ATP1A1: variants seen among roughly 807,000 people sequenced by gnomAD.
The protein encoded by ATP1A1 is sodium/potassium-transporting ATPase subunit alpha-1.
ATP1A1 carries 14 observed loss-of-function variants against 114.8 expected under a neutral mutation model. The ratio of observed to expected loss-of-function variants is 0.12; its 90% confidence interval spans 0.08 to 0.19. The LOEUF is 0.19. ATP1A1 is among the 10% of genes least tolerant of loss of function. ATP1A1 has a pLI of 1.00. For missense variants in ATP1A1, 524 were observed against 1,290.7 expected, an observed-to-expected ratio of 0.41 and a Z score of 9.10; for synonymous variants, 471 against 466.3, an observed-to-expected ratio of 1.01 and a Z score of -0.13.
chr1:116,398,154 GTATAA>G lies in ATP1A1; in HGVS notation c.2124+117_2124+121del, dbSNP rs1466790251. The G allele has an allele frequency of 1.4e-6, 2 of 1,383,300 alleles. No homozygotes were observed. The highest frequency in any genetic ancestry group is 2.0e-6 in the Non-Finnish European group (2 of 1,022,104). The allele number at this position is 1,383,300 out of a possible 1,614,324, so 85.7% of individuals were successfully genotyped here. On this transcript the variant is annotated intron_variant, in intron 15 of 22. Coordinates refer to ENST00000295598, the MANE Select transcript of ATP1A1 (RefSeq NM_000701.8). This position sits in a 1 kb window ranked among gnomAD's most constrained non-coding sequence, Gnocchi z 6.1. ...TGCATACCTCGCTGTATTAGACTCA[GTATAA>G]ATAGGCCAGTAGGAAGCTCATAGGC...
intron 9 of ATP1A1, 132 bp from the exon 10 acceptor site, chr1:116,390,650 G>A: frequency 1.1e-6 from 1 of 892,216 alleles, no homozygotes; most frequent in East Asian, 2.5e-5. Flanking sequence ...TGCCTAAAAT[G>A]TGATTGGTTT....
chr1:116,401,353 T>C lies in ATP1A1; in HGVS notation c.2849+93T>C, dbSNP rs1389370093. 6.3e-6 allele frequency: 10 copies of C among 1,578,846 alleles called. No homozygotes were observed. The highest frequency in any genetic ancestry group is 1.1e-5 in the South Asian group (1 of 87,590). The stretch of plus-strand genomic sequence containing the variant: ...CCAAAAACTAAACATATGACACATA[T>C]AGCCAGGTTTCTGGAATCTCTAGTT... On this transcript the variant is annotated intron_variant, in intron 20 of 22. Coordinates refer to ENST00000295598, the MANE Select transcript of ATP1A1 (RefSeq NM_000701.8). The surrounding 1 kb of genome is among the most constrained non-coding windows in gnomAD (Gnocchi z 4.7).
chr1:116,378,864 AGG>A (rs1172715393), intron 1 of ATP1A1, among the ~76,000 whole-genome samples: 2 of 152,204 alleles, frequency 1.3e-5, no homozygotes, highest in African/African-American at 4.8e-5. Context: ...AATGAAAAAA[AGG>A]AGGGTAAGGT....
intron 1 of ATP1A1, chr1:116,374,238 T>G: frequency 6.4e-7 from 1 of 1,551,694 alleles, no homozygotes; most frequent in Non-Finnish European, 8.7e-7. Context: ...AGATGGCCTT[T>G]AAGGTATACT....
chr1:116,391,881 A>G (rs1404418847), intron 10 of ATP1A1, among the ~76,000 whole-genome samples: 1 of 152,204 alleles, frequency 6.6e-6, no homozygotes, highest in Admixed American at 6.5e-5. Context: ...TATTCCAAGT[A>G]TTTCTGGAGT....
intron 1 of ATP1A1, among the ~76,000 whole-genome samples, chr1:116,379,074 T>A (rs1651563562): frequency 6.6e-6 from 1 of 152,182 alleles, no homozygotes. Flanking sequence ...TTTTGAATGA[T>A]CATGGATGTA....
At position 116,399,027 on chromosome 1, in the gene ATP1A1, C is replaced by T. The variant is rs919214347; in HGVS notation, c.2391C>T (p.Asn797=). ...CGTTCCTGATATTTATTATTGCAAA[C>T]ATTCCACTACCACTGGGGACTGTCA... ...ITPFLIFIIA[N]IPLPLGTVTI... The change falls in exon 17 of 23, where the codon AAC becomes AAT. Residue 797 remains asparagine (N), a synonymous_variant. Transcript: ENST00000295598. This position sits in a 1 kb window ranked among gnomAD's most constrained non-coding sequence, Gnocchi z 5.0. 1.2e-6 allele frequency: 2 copies of T among 1,614,094 alleles called. No individual in the cohort carries two copies. Among genetic ancestry groups the T allele is most frequent in the African/African-American group, 1.3e-5 (1 of 74,930 alleles).
At chr1:116,374,158 A>T (rs1032465247) in intron 1 of ATP1A1, 2 of 1,548,878 alleles carry the variant, frequency 1.3e-6, no homozygotes, top group African/African-American at 2.7e-5. Context: ...CAAAGAAAAA[A>T]CTGGCTGCTT....
rs1160446082 is a variant in ATP1A1 at position 116,385,558 on chromosome 1, C to G, written c.183+716C>G. On this transcript the variant is annotated intron_variant, in intron 3 of 22. Transcript: ENST00000295598. This position sits in a 1 kb window ranked among gnomAD's most constrained non-coding sequence, Gnocchi z 4.3. ...TATTCTGATATATATTGGTTTTTGTCCACAGTTCCTGGTTCATAACTCCCA... is the reference window on the plus strand; with the variant it reads ...TATTCTGATATATATTGGTTTTTGTGCACAGTTCCTGGTTCATAACTCCCA... The G allele has an allele frequency of 6.6e-6, 1 of 152,218 alleles. No individual in the cohort carries two copies. The highest frequency in any genetic ancestry group is 6.6e-5 in the Admixed American group (1 of 15,260). 9.4% of individuals were successfully genotyped at this position (152,218 alleles called of 1,614,324 possible).
chr1:116,393,572 C>A lies in ATP1A1; in HGVS notation c.1509C>A (p.His503Gln), dbSNP rs144872101. The A allele has an allele frequency of 1.9e-6, 3 of 1,614,118 alleles. No homozygotes were observed. The highest frequency in any genetic ancestry group is 2.2e-5 in the East Asian group (1 of 44,880). Residue 503 changes from histidine (H) to glutamine (Q), a missense_variant, in exon 12 of 23, where the codon CAC becomes CAA. Coordinates refer to ENST00000295598, the MANE Select transcript of ATP1A1 (RefSeq NM_000701.8). This position sits in a 1 kb window ranked among gnomAD's most constrained non-coding sequence, Gnocchi z 5.0. ...HKNPNTSEPQ[H>Q]LLVMKGAPER... ...ACCCCAACACATCGGAGCCCCAACA[C>A]CTGTTGGTGATGAAGGGCGCCCCAG...
intron 9 of ATP1A1, 114 bp downstream of exon 9, chr1:116,390,525 C>CTTTTTT: frequency 1.1e-6 from 1 of 947,852 alleles, no homozygotes. Context: ...GCAGCTTTTT[C>CTTTTTT]TTTCTTTTTT....
chr1:116,396,276 C>CTTTTTTT (rs367825500), intron 13 of ATP1A1, among the ~76,000 whole-genome samples: 12 of 102,618 alleles, frequency 1.2e-4, no homozygotes, highest in African/African-American at 2.0e-4. Flanking sequence ...GATTTTTATC[C>CTTTTTTT]TTTTTTTTTT....
chr1:116,392,693 A>T, intron 10 of ATP1A1, 161 bp from the exon 11 acceptor site: 1 of 798,276 alleles, frequency 1.3e-6, no homozygotes, highest in Non-Finnish European at 1.9e-6. Context: ...GGTCGGGGCT[A>T]GAGGGACTCC....
intron 1 of ATP1A1, chr1:116,373,820 G>A: frequency 1.4e-5 from 17 of 1,234,758 alleles, no homozygotes; most frequent in Non-Finnish European, 1.7e-5. Flanking sequence ...CGGGGGCTCC[G>A]AGAGGCGGTG....
chr1:116,373,657 C>A, intron 1 of ATP1A1, 134 bp downstream of exon 1: 1 of 1,114,148 alleles, frequency 9.0e-7, no homozygotes, highest in Non-Finnish European at 1.2e-6. Flanking sequence ...GCTGGCAGAG[C>A]CGCGCGGCTT....
chr1:116,404,295 G>C lies in ATP1A1; in HGVS notation c.3044-121G>C, dbSNP rs1223879427. 1.9e-5 allele frequency: 24 copies of C among 1,255,658 alleles called. No homozygotes were observed. In the East Asian group the frequency reaches 4.2e-4, roughly 22 times the overall value. The allele number at this position is 1,255,658 out of a possible 1,614,324, so 77.8% of individuals were successfully genotyped here. A position where few individuals can be genotyped will look rare whatever the true frequency, so the allele number is the denominator to read the frequency against. On this transcript the variant is annotated intron_variant, in intron 22 of 22. Coordinates refer to ENST00000295598, the MANE Select transcript of ATP1A1 (RefSeq NM_000701.8). The surrounding 1 kb of genome is among the most constrained non-coding windows in gnomAD (Gnocchi z 4.8). ...AAGTACAGTTGAGGTCCCATGTTTG[G>C]ATTTTAACACACCCGACCCCCATCA...
rs1364587116 is a variant in ATP1A1, at chr1:116,387,866, A to G, written c.388-265A>G. 6.6e-6 allele frequency among the ~76,000 whole-genome samples: 1 copy of G among 152,226 alleles called. No homozygotes were observed. Among genetic ancestry groups the G allele is most frequent in the Non-Finnish European group, 1.5e-5 (1 of 68,040 alleles). The stretch of plus-strand genomic sequence containing the variant: ...AAATCCACAAGTTGGTTGAAAAACA[A>G]TCTTTGTTTTATAAAGCAGGAGAAA... On this transcript the variant is annotated intron_variant, in intron 4 of 22. Transcript: ENST00000295598. The surrounding 1 kb of genome is among the most constrained non-coding windows in gnomAD (Gnocchi z 6.7).
chr1:116,390,743 A>G (rs749122558), intron 9 of ATP1A1, 39 bp from the exon 10 acceptor site: 1 of 1,512,726 alleles, frequency 6.6e-7, no homozygotes, highest in Non-Finnish European at 9.2e-7. Context: ...TTTGAAGTTA[A>G]TGCATTGTTG....
At chr1:116,376,098 A>G (rs974189544) in intron 1 of ATP1A1, among the ~76,000 whole-genome samples, 3 of 152,214 alleles carry the variant, frequency 2.0e-5, no homozygotes, top group African/African-American at 4.8e-5. Flanking sequence ...GGTACACGCC[A>G]TAACTGTTTA....
Sources: gnomAD v4.1 joint callset for allele counts (sites outside exome capture counted in the v4.1 genomes callset) on GRCh38, gnomAD v4.1.1 for gene constraint, Gnocchi (gnomAD v3.1) non-coding constraint, MANE v1.5 for transcripts, NCBI Gene and HGNC (gene_info 2026-07-23, HGNC 2026-07-21) for gene names.